TMTC1: variants seen among roughly 807,000 people sequenced by gnomAD.
The protein encoded by TMTC1 is protein O-mannosyl-transferase TMTC1.
In TMTC1, 73 loss-of-function variants were observed where a neutral mutation model predicts 104.8. The observed-to-expected ratio is 0.70, with a 90% confidence interval of 0.58 to 0.85. The LOEUF (loss-of-function observed/expected upper bound fraction) is 0.85, where lower values mean the gene tolerates loss of function less well. Ranked by LOEUF, TMTC1 falls within the 40% of genes least tolerant of loss-of-function variation. The pLI is 0.00. For synonymous variants in TMTC1, 434 were observed against 428.7 expected, an observed-to-expected ratio of 1.01 and a Z score of -0.15; for missense variants, 1,035 against 1,096.1, an observed-to-expected ratio of 0.94 and a Z score of 0.79.
At chr12:29,748,114 A>T (rs1378022921) in intron 5 of TMTC1, among the ~76,000 whole-genome samples, 4 of 152,194 alleles carry the variant, frequency 2.6e-5, no homozygotes, top group Non-Finnish European at 5.9e-5. Flanking sequence ...CATATATGAC[A>T]ACTTTCCATT....
intron 2 of TMTC1, among the ~76,000 whole-genome samples, chr12:29,759,833 C>A (rs1285296161): frequency 6.6e-6 from 1 of 151,976 alleles, no homozygotes; most frequent in Non-Finnish European, 1.5e-5. Context: ...TCCCACCGAA[C>A]AAACTTAAGG....
intron 5 of TMTC1, among the ~76,000 whole-genome samples, chr12:29,647,915 C>A (rs763893379): frequency 6.6e-6 from 1 of 152,150 alleles, no homozygotes; most frequent in Non-Finnish European, 1.5e-5. Flanking sequence ...ATGTCCTATC[C>A]CCTTCAAACT....
intron 1 of TMTC1, among the ~76,000 whole-genome samples, chr12:29,782,226 A>G (rs1943850581): frequency 6.6e-6 from 1 of 152,276 alleles, no homozygotes; most frequent in Non-Finnish European, 1.5e-5. Flanking sequence ...TCTATAACAC[A>G]TTCTCTTCAA....
intron 5 of TMTC1, among the ~76,000 whole-genome samples, chr12:29,706,444 C>T (rs890310987): frequency 6.6e-6 from 1 of 152,174 alleles, no homozygotes; most frequent in Non-Finnish European, 1.5e-5. Context: ...TATCTTTGAT[C>T]TAAAGTAATT....
intron 11 of TMTC1, among the ~76,000 whole-genome samples, chr12:29,522,768 C>A (rs1462504401): frequency 2.0e-5 from 3 of 152,152 alleles, no homozygotes; most frequent in Non-Finnish European, 4.4e-5. Context: ...GATTCAAATC[C>A]AAGCCCCACC....
At chr12:29,736,442 C>CA (rs1341616052) in intron 5 of TMTC1, among the ~76,000 whole-genome samples, 2 of 151,274 alleles carry the variant, frequency 1.3e-5, no homozygotes, top group African/African-American at 4.9e-5. Context: ...TTTTTTAAGA[C>CA]AGAGTCTTAT....
chr12:29,598,934 T>C (rs1185134855), intron 7 of TMTC1, among the ~76,000 whole-genome samples: 1 of 152,218 alleles, frequency 6.6e-6, no homozygotes, highest in Admixed American at 6.5e-5. Flanking sequence ...TCTCAGTCAT[T>C]CTTGATCAGT....
In TMTC1 at chr12:29,505,759, T is replaced by C. The variant is rs1052120139; in HGVS notation, c.*1087A>G. The C allele has an allele frequency of 6.6e-6, 1 of 151,986 alleles. No homozygotes were observed. The highest frequency in any genetic ancestry group is 1.5e-5 in the Non-Finnish European group (1 of 67,992). The allele number at this position is 151,986 out of a possible 1,614,324, so 9.4% of individuals were successfully genotyped here. A position where few individuals can be genotyped will look rare whatever the true frequency, so the allele number is the denominator to read the frequency against. ...ATTTTTAGAGCATTCTCCATAATATTCTCAAAACAAAGAATTCTGGGTATT... is the reference window on the plus strand; with the variant it reads ...ATTTTTAGAGCATTCTCCATAATATCCTCAAAACAAAGAATTCTGGGTATT... On this transcript the variant is annotated 3_prime_UTR_variant, in exon 18 of 18. Coordinates refer to ENST00000539277, the MANE Select transcript of TMTC1 (RefSeq NM_001193451.2).
intron 6 of TMTC1, chr12:29,609,989 G>C (rs539238826): frequency 2.0e-5 from 3 of 152,566 alleles, no homozygotes; most frequent in African/African-American, 7.2e-5. Context: ...CAGGTGCTGG[G>C]TGGCTGTTCC....
At chr12:29,779,676 A>G (rs1394721924) in intron 1 of TMTC1, among the ~76,000 whole-genome samples, 1 of 152,228 alleles carries the variant, frequency 6.6e-6, no homozygotes, top group Non-Finnish European at 1.5e-5. Flanking sequence ...ATCAACTTAC[A>G]TTTTAATAAA....
chr12:29,762,684 T>C (rs1943379468), intron 2 of TMTC1, among the ~76,000 whole-genome samples: 1 of 152,250 alleles, frequency 6.6e-6, no homozygotes, highest in Non-Finnish European at 1.5e-5. Context: ...AGCTATTACC[T>C]GACGTGGCTG....
At chr12:29,604,645 T>C (rs1054806816) in intron 6 of TMTC1, among the ~76,000 whole-genome samples, 1 of 152,172 alleles carries the variant, frequency 6.6e-6, no homozygotes, top group African/African-American at 2.4e-5. Flanking sequence ...AGACACCCCA[T>C]TCTCAAAGAG....
At chr12:29,565,395 T>C (rs1945483523) in intron 9 of TMTC1, among the ~76,000 whole-genome samples, 1 of 152,174 alleles carries the variant, frequency 6.6e-6, no homozygotes, top group African/African-American at 2.4e-5. Context: ...CAAGCTGACA[T>C]GAAATTATCC....
intron 5 of TMTC1, among the ~76,000 whole-genome samples, chr12:29,670,313 T>C (rs1026286032): frequency 6.6e-6 from 1 of 152,226 alleles, no homozygotes; most frequent in African/African-American, 2.4e-5. Context: ...GCAAATACCA[T>C]TTAATGAATA....
chr12:29,652,605 A>C (rs776852421), intron 5 of TMTC1, among the ~76,000 whole-genome samples: 1 of 152,248 alleles, frequency 6.6e-6, no homozygotes, highest in Non-Finnish European at 1.5e-5. Flanking sequence ...TTCATCCATC[A>C]AACAGTAAAC....
At chr12:29,530,654 GC>G (rs1468057481) in intron 11 of TMTC1, among the ~76,000 whole-genome samples, 2 of 152,146 alleles carry the variant, frequency 1.3e-5, no homozygotes, top group Non-Finnish European at 2.9e-5. Flanking sequence ...TTCCTGTCTT[GC>G]CCTTCCTCCT....
chr12:29,583,905 G>A (rs1276159248), intron 7 of TMTC1, among the ~76,000 whole-genome samples: 1 of 152,156 alleles, frequency 6.6e-6, no homozygotes, highest in Non-Finnish European at 1.5e-5. Flanking sequence ...TGGCTCCTCT[G>A]ACCCAAGCTC....
intron 6 of TMTC1, among the ~76,000 whole-genome samples, chr12:29,632,165 C>T (rs75456843): frequency 0.025 from 3,743 of 152,290 alleles, 163 homozygotes; most frequent in African/African-American, 0.086. Flanking sequence ...GTAAAACTTT[C>T]CAAAGTTTAC....
intron 8 of TMTC1, among the ~76,000 whole-genome samples, chr12:29,575,366 A>G (rs1945792932): frequency 6.6e-6 from 1 of 152,024 alleles, no homozygotes; most frequent in Non-Finnish European, 1.5e-5. Flanking sequence ...CAGATTACAT[A>G]TTTACATTTA....
Sources: gnomAD v4.1 joint callset for allele counts (sites outside exome capture counted in the v4.1 genomes callset) on GRCh38, gnomAD v4.1.1 for gene constraint, MANE v1.5 for transcripts, NCBI Gene and HGNC (gene_info 2026-07-23, HGNC 2026-07-21) for gene names.